The following WHRN variants were observed in gnomAD, a reference collection of about 807,000 sequenced individuals.
WHRN encodes the protein CASK-interacting protein CIP98.
A neutral mutation model predicts 68.3 loss-of-function variants in WHRN; 41 were observed. The ratio of observed to expected loss-of-function variants is 0.60; its 90% CI spans 0.47 to 0.78. WHRN has a LOEUF of 0.78. WHRN is among the 30% of genes least tolerant of loss of function. The probability of loss-of-function intolerance (pLI) is 0.00; values close to 1 mark genes in which losing one functional copy is unlikely to be tolerated. For missense variants in WHRN, 1,243 were observed against 1,244.7 expected, an observed-to-expected ratio of 1.00 and a Z score of 0.02; for synonymous variants, 560 against 561.3, an observed-to-expected ratio of 1.00 and a Z score of 0.03.
intron 1 of WHRN, among the ~76,000 whole-genome samples, chr9:114,499,616 A>AG (rs1401874402): frequency 6.6e-6 from 1 of 152,090 alleles, no homozygotes; most frequent in Non-Finnish European, 1.5e-5. Flanking sequence ...TGCAGGATGG[A>AG]GGGGGGATTA....
In WHRN at chr9:114,425,021, A is replaced by G; in HGVS notation, c.1170T>C (p.Phe390=). ...IRETMANSAG[F]LGDLTTEGIN... ...TTCCTTCTGTTGTGAGATCGCCAAG[A>G]AACCTGTGGGGAAAGACACACATCT... The change falls in exon 5 of 12, where the codon TTT becomes TTC. Residue 390 remains phenylalanine, a synonymous_variant. Coordinates refer to ENST00000362057, the MANE Select transcript of WHRN (RefSeq NM_015404.4). 6.2e-7 allele frequency: 1 copy of G among 1,614,180 alleles called. No homozygotes were observed. The highest frequency in any genetic ancestry group is 8.5e-7 in the Non-Finnish European group (1 of 1,180,026).
At chr9:114,477,126 C>T (rs918422148) in intron 2 of WHRN, among the ~76,000 whole-genome samples, 1 of 152,182 alleles carries the variant, frequency 6.6e-6, no homozygotes, top group East Asian at 1.9e-4. Context: ...TACCTGCTGC[C>T]GCTCACCTCC....
intron 1 of WHRN, chr9:114,503,039 A>C: frequency 1.3e-6 from 1 of 790,372 alleles, no homozygotes; most frequent in Non-Finnish European, 1.5e-6. Flanking sequence ...AAAGGGGTTG[A>C]TGGGCTGGGA....
intron 3 of WHRN, among the ~76,000 whole-genome samples, chr9:114,444,392 C>T (rs975151981): frequency 1.3e-5 from 2 of 151,944 alleles, no homozygotes; most frequent in African/African-American, 4.8e-5. Context: ...TATATCCATA[C>T]AGTAATTATT....
At chr9:114,438,941 C>T (rs886879519) in intron 3 of WHRN, among the ~76,000 whole-genome samples, 2 of 151,946 alleles carry the variant, frequency 1.3e-5, no homozygotes, top group African/African-American at 4.8e-5. Context: ...ACACGGCTGT[C>T]GAAAAGAATG....
intron 2 of WHRN, among the ~76,000 whole-genome samples, chr9:114,471,446 T>C (rs1012097176): frequency 6.6e-6 from 1 of 152,120 alleles, no homozygotes; most frequent in African/African-American, 2.4e-5. Context: ...GCCTGGGCAT[T>C]TAACCAATGC....
intron 1 of WHRN, chr9:114,491,573 T>A (rs1272371580): frequency 5.3e-6 from 1 of 188,582 alleles, no homozygotes. Flanking sequence ...TGACCTGTGG[T>A]AACCAGCAAG....
intron 7 of WHRN, among the ~76,000 whole-genome samples, chr9:114,414,851 C>T (rs1373882119): frequency 6.6e-6 from 1 of 152,188 alleles, no homozygotes; most frequent in Non-Finnish European, 1.5e-5. Flanking sequence ...GAGAAGACAC[C>T]TATCATCCTC....
intron 3 of WHRN, among the ~76,000 whole-genome samples, chr9:114,439,964 G>A (rs1174193385): frequency 6.6e-6 from 1 of 152,126 alleles, no homozygotes; most frequent in Non-Finnish European, 1.5e-5. Context: ...CCAGGCTCCA[G>A]TGCAGTGGTG....
intron 2 of WHRN, among the ~76,000 whole-genome samples, chr9:114,469,277 T>C (rs1348099141): frequency 6.6e-6 from 1 of 152,188 alleles, no homozygotes; most frequent in Admixed American, 6.5e-5. Context: ...GACCACCATG[T>C]GGACGTGAGC....
At chr9:114,476,227 C>T (rs952683282) in intron 2 of WHRN, among the ~76,000 whole-genome samples, 1 of 152,106 alleles carries the variant, frequency 6.6e-6, no homozygotes, top group Non-Finnish European at 1.5e-5. Flanking sequence ...CTCAGCCTCC[C>T]AAAGAGCTGG....
chr9:114,471,503 CT>C (rs1841218353), intron 2 of WHRN, among the ~76,000 whole-genome samples: 1 of 152,230 alleles, frequency 6.6e-6, no homozygotes, highest in Non-Finnish European at 1.5e-5. Flanking sequence ...GGTTCTGCCC[CT>C]CACTCTTGGG....
At chr9:114,468,265 G>A (rs1840895671) in intron 2 of WHRN, among the ~76,000 whole-genome samples, 1 of 152,218 alleles carries the variant, frequency 6.6e-6, no homozygotes, top group Non-Finnish European at 1.5e-5. Flanking sequence ...TGCTCAGTAA[G>A]TATGAGCTAC....
chr9:114,453,878 C>A (rs182650769), intron 3 of WHRN, among the ~76,000 whole-genome samples: 1 of 152,270 alleles, frequency 6.6e-6, no homozygotes, highest in Non-Finnish European at 1.5e-5. Flanking sequence ...AAAACCCAGA[C>A]CACTATCCTT....
In WHRN at chr9:114,478,596, C is replaced by T. The variant is rs753099999; in HGVS notation, c.794G>A (p.Arg265Gln). Residue 265 changes from arginine (R) to glutamine (Q), a missense_variant, in exon 2 of 12, where the codon CGG becomes CAG. Coordinates refer to ENST00000362057, the MANE Select transcript of WHRN (RefSeq NM_015404.4). The stretch of plus-strand genomic sequence containing the variant: ...TTGCAGGAGGTGCAGGGTGCTCCTC[C>T]GGTCACCCTCCTGCTGCCTCAGGGC... ...GGALRQQEGD[R>Q]RSTLHLLQGG... 8.7e-6 allele frequency: 14 copies of T among 1,613,954 alleles called. No homozygotes were observed. The highest frequency in any genetic ancestry group is 4.0e-5 in the African/African-American group (3 of 74,922).
intron 1 of WHRN, among the ~76,000 whole-genome samples, chr9:114,486,552 CCAGACAGCCT>C (rs1336695217): frequency 6.6e-6 from 1 of 152,144 alleles, no homozygotes; most frequent in Non-Finnish European, 1.5e-5. Context: ...TTTCTATATG[CCAGACAGCCT>C]CAGGAATCTG....
chr9:114,463,472 G>A (rs1037357827), intron 3 of WHRN, among the ~76,000 whole-genome samples: 21 of 152,194 alleles, frequency 1.4e-4, no homozygotes, highest in African/African-American at 5.1e-4. Flanking sequence ...TAAATGCAAT[G>A]TGGTATGCTG....
intron 3 of WHRN, among the ~76,000 whole-genome samples, chr9:114,461,274 G>A (rs1840224175): frequency 6.6e-6 from 1 of 152,194 alleles, no homozygotes; most frequent in Admixed American, 6.5e-5. Context: ...TAAACAAAGT[G>A]AAAATCATCC....
At chr9:114,494,173 T>C (rs904459251) in intron 1 of WHRN, among the ~76,000 whole-genome samples, 1 of 152,232 alleles carries the variant, frequency 6.6e-6, no homozygotes, top group Non-Finnish European at 1.5e-5. Flanking sequence ...CACAGAAGAT[T>C]CCCAGTGGTG....
Sources: gnomAD v4.1 joint callset for allele counts (sites outside exome capture counted in the v4.1 genomes callset) on GRCh38, gnomAD v4.1.1 for gene constraint, MANE v1.5 for transcripts, NCBI Gene and HGNC (gene_info 2026-07-23, HGNC 2026-07-21) for gene names.